The following MGAT4A variants were observed in gnomAD, a reference collection of about 807,000 sequenced individuals.
The protein encoded by MGAT4A is alpha-1,3-mannosyl-glycoprotein 4-beta-N-acetylglucosaminyltransferase A, also known as N-acetylglucosaminyltransferase IVa.
A neutral mutation model predicts 74.1 loss-of-function variants in MGAT4A; 33 were observed. The ratio of observed to expected loss-of-function variants is 0.45; its 90% CI spans 0.34 to 0.60. The LOEUF (loss-of-function observed/expected upper bound fraction) is 0.60. Among genes scored for constraint, MGAT4A ranks in the 20% least tolerant of loss-of-function variants. The pLI is 0.02. For synonymous variants in MGAT4A, 198 were observed against 210.4 expected (o/e 0.94, Z 0.51); for missense variants, 479 against 628.3 (o/e 0.76, Z 2.54).
rs1281948723 is a variant in MGAT4A at position 98,625,501 on chromosome 2, G to T, written c.*65C>A. The T allele has an allele frequency of 1.3e-6, 2 of 1,588,766 alleles. No individual in the cohort carries two copies. The highest frequency in any genetic ancestry group is 2.7e-5 in the African/African-American group (2 of 73,116). On this transcript the variant is annotated 3_prime_UTR_variant, in exon 16 of 16. Coordinates refer to ENST00000393487, the MANE Select transcript of MGAT4A (RefSeq NM_012214.3). ...AGTGTTCAAGTAGAAATAAAAAAAA[G>T]ATACATGCTTAACTATCTTTAATTA...
chr2:98,696,458 C>T (rs1235695180), intron 2 of MGAT4A, among the ~76,000 whole-genome samples: 1 of 152,202 alleles, frequency 6.6e-6, no homozygotes, highest in African/African-American at 2.4e-5. Flanking sequence ...AATACAAATT[C>T]ACTTACACCT....
intron 2 of MGAT4A, among the ~76,000 whole-genome samples, chr2:98,686,109 C>A (rs532911747): frequency 6.6e-6 from 1 of 152,214 alleles, no homozygotes; most frequent in East Asian, 1.9e-4. Context: ...TTTCAAAGGT[C>A]TCTTACATGG....
Position 98,624,765 on chromosome 2 carries a change from C to A in MGAT4A, c.*801G>T. The stretch of plus-strand genomic sequence containing the variant: ...CTGGGTTGAATGCATCACACTTACA[C>A]ATTGAAAATTTATCAGACTGACTTT... On this transcript the variant is annotated 3_prime_UTR_variant, in exon 16 of 16. Transcript: ENST00000393487. 1 of 984,204 alleles carries A rather than the reference C, an allele frequency of 1.0e-6. No individual in the cohort carries two copies. Among genetic ancestry groups the A allele is most frequent in the Non-Finnish European group, 1.2e-6 (1 of 828,426 alleles). 61.0% of individuals were successfully genotyped at this position (984,204 alleles called of 1,614,324 possible).
At chr2:98,667,755 T>G (rs1343823110) in intron 4 of MGAT4A, among the ~76,000 whole-genome samples, 1 of 151,896 alleles carries the variant, frequency 6.6e-6, no homozygotes, top group Non-Finnish European at 1.5e-5. Flanking sequence ...GTTTCGATCT[T>G]GTGGCCCAGG....
chr2:98,707,693 T>C (rs1234993207), intron 2 of MGAT4A, among the ~76,000 whole-genome samples: 1 of 151,994 alleles, frequency 6.6e-6, no homozygotes, highest in Non-Finnish European at 1.5e-5. Context: ...GACTCTAGCG[T>C]CTCCCCAGTG....
intron 2 of MGAT4A, among the ~76,000 whole-genome samples, chr2:98,716,665 T>C (rs1691088806): frequency 6.6e-6 from 1 of 152,162 alleles, no homozygotes; most frequent in Non-Finnish European, 1.5e-5. Context: ...TTCTGTGGTA[T>C]TCTTGCCAAA....
At chr2:98,657,638 C>G (rs1559161275) in intron 6 of MGAT4A, among the ~76,000 whole-genome samples, 1 of 151,790 alleles carries the variant, frequency 6.6e-6, no homozygotes, top group Non-Finnish European at 1.5e-5. Flanking sequence ...CTTTTAGGGA[C>G]AAAAAACAGA....
chr2:98,662,312 T>C (rs965101116), intron 5 of MGAT4A, among the ~76,000 whole-genome samples: 1 of 152,254 alleles, frequency 6.6e-6, no homozygotes, highest in Non-Finnish European at 1.5e-5. Flanking sequence ...ACATATAATT[T>C]GAAATAGTTA....
At chr2:98,722,947 C>T (rs553989110) in intron 2 of MGAT4A, among the ~76,000 whole-genome samples, 3 of 152,136 alleles carry the variant, frequency 2.0e-5, no homozygotes, top group Non-Finnish European at 4.4e-5. Context: ...AAGACAGACA[C>T]GTAACTACTC....
intron 2 of MGAT4A, among the ~76,000 whole-genome samples, chr2:98,724,390 A>C (rs1666481912): frequency 6.6e-6 from 1 of 152,268 alleles, no homozygotes. Context: ...AATGCCCAAC[A>C]GTTTGAGTGG....
At chr2:98,708,820 A>AT (rs1263895631) in intron 2 of MGAT4A, among the ~76,000 whole-genome samples, 1 of 152,264 alleles carries the variant, frequency 6.6e-6, no homozygotes, top group Non-Finnish European at 1.5e-5. Flanking sequence ...GAAATGCAAC[A>AT]TAAACAATAG....
At chr2:98,668,598 T>C (rs1303621395) in intron 4 of MGAT4A, among the ~76,000 whole-genome samples, 6 of 152,202 alleles carry the variant, frequency 3.9e-5, no homozygotes, top group African/African-American at 4.8e-5. Context: ...AGAGTCCCTA[T>C]TGGGGCACCA....
chr2:98,643,465 G>A (rs181765990), intron 10 of MGAT4A, among the ~76,000 whole-genome samples: 18 of 152,210 alleles, frequency 1.2e-4, no homozygotes, highest in Admixed American at 1.1e-3. Flanking sequence ...TTTGTAACAC[G>A]CTGAAAGGTA....
intron 2 of MGAT4A, among the ~76,000 whole-genome samples, chr2:98,712,748 G>A (rs539141802): frequency 2.0e-5 from 3 of 152,290 alleles, no homozygotes; most frequent in Non-Finnish European, 4.4e-5. Flanking sequence ...ACCCTGACAT[G>A]TGAACATTTA....
At chr2:98,657,256 T>C (rs1319356950) in intron 6 of MGAT4A, among the ~76,000 whole-genome samples, 1 of 152,248 alleles carries the variant, frequency 6.6e-6, no homozygotes, top group Non-Finnish European at 1.5e-5. Flanking sequence ...CTGCCTGCCT[T>C]TGCACAAATG....
chr2:98,708,673 T>A (rs1702474515), intron 2 of MGAT4A, among the ~76,000 whole-genome samples: 2 of 152,234 alleles, frequency 1.3e-5, no homozygotes, highest in African/African-American at 2.4e-5. Flanking sequence ...GATTTTTGCA[T>A]GATTCAAGTA....
chr2:98,707,416 A>G (rs1702455527), intron 2 of MGAT4A, among the ~76,000 whole-genome samples: 1 of 152,096 alleles, frequency 6.6e-6, no homozygotes, highest in East Asian at 1.9e-4. Context: ...GCTTCTTTTT[A>G]TAAGTGCTCA....
chr2:98,693,737 T>G (rs953257381), intron 2 of MGAT4A, among the ~76,000 whole-genome samples: 2 of 151,430 alleles, frequency 1.3e-5, no homozygotes, highest in African/African-American at 4.9e-5. Flanking sequence ...GGAAATAGTT[T>G]CATACTTCAC....
In MGAT4A at chr2:98,622,793, A is replaced by G; in HGVS notation, c.*2773T>C. On this transcript the variant is annotated 3_prime_UTR_variant, in exon 16 of 16. Transcript: ENST00000393487. ...ACAGCACACACCATACACACAAACA[A>G]TCAAAAACTAGACAACCGATTGTGT... 1 of 985,618 alleles carries G rather than the reference A, an allele frequency of 1.0e-6. No individual in the cohort carries two copies. Among genetic ancestry groups the G allele is most frequent in the Non-Finnish European group, 1.2e-6 (1 of 830,094 alleles). 61.1% of individuals were successfully genotyped at this position (985,618 alleles called of 1,614,324 possible).
Sources: gnomAD v4.1 joint callset for allele counts (sites outside exome capture counted in the v4.1 genomes callset) on GRCh38, gnomAD v4.1.1 for gene constraint, MANE v1.5 for transcripts, NCBI Gene and HGNC (gene_info 2026-07-23, HGNC 2026-07-21) for gene names.